ARHGEF28: variants seen among roughly 807,000 people sequenced by gnomAD.
The protein encoded by ARHGEF28 is 190 kDa guanine nucleotide exchange factor.
A neutral mutation model predicts 206.6 loss-of-function variants in ARHGEF28; 152 were observed. That is an observed-to-expected ratio of 0.74 (90% CI 0.64 to 0.84). The LOEUF (loss-of-function observed/expected upper bound fraction) is 0.84, where lower values mean the gene tolerates loss of function less well. Among genes scored for constraint, ARHGEF28 ranks in the 40% least tolerant of loss-of-function variants. ARHGEF28 has a pLI of 0.00. For missense variants in ARHGEF28, 2,028 were observed against 2,073.2 expected (o/e 0.98, Z 0.42); for synonymous variants, 763 against 776.4 (o/e 0.98, Z 0.29).
At chr5:73,923,293 A>G in intron 35 of ARHGEF28, 1 of 809,104 alleles carries the variant, frequency 1.2e-6, no homozygotes, top group Non-Finnish European at 1.8e-6. Flanking sequence ...GTAAAAAAAA[A>G]TCAAATACTA....
chr5:73,815,522 C>G (rs1302552902), intron 9 of ARHGEF28, among the ~76,000 whole-genome samples: 3 of 152,136 alleles, frequency 2.0e-5, no homozygotes, highest in African/African-American at 7.2e-5. Context: ...AGGTACCGTT[C>G]TGTAGAGTCT....
intron 35 of ARHGEF28, 93 bp downstream of exon 35, chr5:73,911,668 C>A: frequency 2.3e-6 from 3 of 1,285,056 alleles, no homozygotes; most frequent in South Asian, 1.5e-5. Context: ...CAAAGTCCTC[C>A]CTAGCATGGG....
chr5:73,881,798 G>T (rs1444823688), intron 22 of ARHGEF28, among the ~76,000 whole-genome samples: 1 of 152,112 alleles, frequency 6.6e-6, no homozygotes, highest in Non-Finnish European at 1.5e-5. Context: ...TTTCTATGTG[G>T]ATTTTCTACA....
chr5:73,750,292 G>A (rs1399752083), intron 3 of ARHGEF28, among the ~76,000 whole-genome samples: 1 of 152,078 alleles, frequency 6.6e-6, no homozygotes, highest in Non-Finnish European at 1.5e-5. Flanking sequence ...TGTCTATTGA[G>A]TATCACCTCC....
chr5:73,811,507 C>T (rs1561421033), intron 9 of ARHGEF28, among the ~76,000 whole-genome samples: 1 of 152,148 alleles, frequency 6.6e-6, no homozygotes, highest in Non-Finnish European at 1.5e-5. Context: ...CTACAGCGTC[C>T]TAGGCACCAT....
chr5:73,912,385 A>G (rs1164774735), intron 35 of ARHGEF28, among the ~76,000 whole-genome samples: 1 of 152,250 alleles, frequency 6.6e-6, no homozygotes, highest in African/African-American at 2.4e-5. Context: ...GCAGTAGTAT[A>G]GAAGTCTTCA....
intron 9 of ARHGEF28, among the ~76,000 whole-genome samples, chr5:73,813,197 C>T (rs1755948878): frequency 6.6e-6 from 1 of 152,168 alleles, no homozygotes; most frequent in African/African-American, 2.4e-5. Context: ...TCTTGAATCA[C>T]AGGCAGCTCT....
intron 9 of ARHGEF28, among the ~76,000 whole-genome samples, chr5:73,801,565 A>G (rs1695803496): frequency 6.6e-6 from 1 of 151,866 alleles, no homozygotes; most frequent in African/African-American, 2.4e-5. Flanking sequence ...TTAATAACAC[A>G]TGTGTATCTA....
chr5:73,798,785 C>T (rs2007137), intron 9 of ARHGEF28, among the ~76,000 whole-genome samples: 13,637 of 152,122 alleles, frequency 0.09, 1,171 homozygotes, highest in East Asian at 0.24. Context: ...TGGCACTAAA[C>T]GTGATTAAGA....
intron 11 of ARHGEF28, among the ~76,000 whole-genome samples, chr5:73,845,240 A>G (rs1758258489): frequency 6.6e-6 from 1 of 152,064 alleles, no homozygotes; most frequent in Non-Finnish European, 1.5e-5. Flanking sequence ...GATGGTCTCG[A>G]TCTCTGACCT....
At chr5:73,861,041 A>G (rs1317274089) in intron 16 of ARHGEF28, among the ~76,000 whole-genome samples, 1 of 152,174 alleles carries the variant, frequency 6.6e-6, no homozygotes, top group East Asian at 1.9e-4. Flanking sequence ...CTGTGGTCCA[A>G]ACTCCTGCCT....
chr5:73,900,520 A>G (rs554427084), intron 30 of ARHGEF28: 2 of 152,348 alleles, frequency 1.3e-5, no homozygotes, highest in African/African-American at 4.8e-5. Flanking sequence ...CTATGTTTTC[A>G]TAGTTTAAAT....
In ARHGEF28 at chr5:73,919,994, G is replaced by A. The variant is rs77580323; in HGVS notation, c.4948+8419G>A. 1.7e-4 allele frequency among the ~76,000 whole-genome samples: 26 copies of A among 152,324 alleles called. 1 individual carries two copies. The East Asian group carries it at 5.0e-3, about 29-fold the overall frequency. On this transcript the variant is annotated intron_variant, in intron 35 of 35. Coordinates refer to ENST00000513042, the MANE Select transcript of ARHGEF28 (RefSeq NM_001177693.2). ...CAGCAGCAAGTAGTGTTTGATATATGATGAAGATTTGATAAACATTTATGA... is the reference window on the plus strand; with the variant it reads ...CAGCAGCAAGTAGTGTTTGATATATAATGAAGATTTGATAAACATTTATGA...
intron 35 of ARHGEF28, among the ~76,000 whole-genome samples, chr5:73,921,844 T>A (rs1168737119): frequency 6.6e-6 from 1 of 152,198 alleles, no homozygotes; most frequent in Non-Finnish European, 1.5e-5. Context: ...AGCAAAACAT[T>A]GGCAGAGTTT....
At chr5:73,690,866 C>T (rs1460830061) in intron 2 of ARHGEF28, among the ~76,000 whole-genome samples, 4 of 151,970 alleles carry the variant, frequency 2.6e-5, no homozygotes, top group Non-Finnish European at 4.4e-5. Flanking sequence ...TTAAATAACA[C>T]TTGCTTATTA....
chr5:73,640,723 C>T (rs1744026179), intron 1 of ARHGEF28, among the ~76,000 whole-genome samples: 2 of 151,974 alleles, frequency 1.3e-5, no homozygotes, highest in Non-Finnish European at 2.9e-5. Context: ...TAATACCAGC[C>T]CTTTAGATAA....
intron 22 of ARHGEF28, among the ~76,000 whole-genome samples, chr5:73,875,607 G>A (rs1303335647): frequency 6.6e-6 from 1 of 151,916 alleles, no homozygotes; most frequent in Non-Finnish European, 1.5e-5. Context: ...TAAGGTGTAA[G>A]GAAGGAATCC....
In ARHGEF28 at chr5:73,892,234, A is replaced by C; in HGVS notation, c.3566+4A>C. On this transcript the variant is annotated splice_donor_region_variant and intron_variant, in intron 27 of 35. Coordinates refer to ENST00000513042, the MANE Select transcript of ARHGEF28 (RefSeq NM_001177693.2). ...GGATCCAGCAGGCTGTAGAAAGGTA[A>C]CATTTCCTTCCGTCCATAATCTATG... 6.4e-7 allele frequency: 1 copy of C among 1,557,190 alleles called. No individual in the cohort carries two copies. Among genetic ancestry groups the C allele is most frequent in the Non-Finnish European group, 8.7e-7 (1 of 1,149,552 alleles).
chr5:73,766,266 A>G (rs1039113791), intron 4 of ARHGEF28, among the ~76,000 whole-genome samples: 10 of 152,266 alleles, frequency 6.6e-5, no homozygotes, highest in Admixed American at 5.2e-4. Context: ...TTAGCCCTAA[A>G]AAATATAAGT....
Sources: gnomAD v4.1 joint callset for allele counts (sites outside exome capture counted in the v4.1 genomes callset) on GRCh38, gnomAD v4.1.1 for gene constraint, MANE v1.5 for transcripts, NCBI Gene and HGNC (gene_info 2026-07-23, HGNC 2026-07-21) for gene names.